MANBAL: variants seen among roughly 807,000 people sequenced by gnomAD.
The protein encoded by MANBAL is mannosidase beta like.
MANBAL carries 1 observed loss-of-function variant against 6.4 expected under a neutral mutation model. The observed-to-expected ratio is 0.16, with a 90% CI of 0.06 to 0.74. The LOEUF (loss-of-function observed/expected upper bound fraction) is 0.74, where lower values mean the gene tolerates loss of function less well. MANBAL is among the 30% of genes least tolerant of loss of function. The pLI is 0.78. For missense variants in MANBAL, 100 were observed against 107.8 expected (o/e 0.93, Z 0.32); for synonymous variants, 47 against 45.8 (o/e 1.03, Z -0.10).
Position 37,302,029 on chromosome 20 carries a change from T to C in MANBAL, c.150+616T>C, listed in dbSNP as rs530342173. Among the ~76,000 whole-genome samples the C allele has an allele frequency of 2.0e-5, 3 of 152,340 alleles. No homozygotes were observed. In the East Asian group the frequency reaches 5.8e-4, roughly 29 times the overall value. On this transcript the variant is annotated intron_variant, in intron 2 of 2. Transcript: ENST00000373606. ...AGGTGTGGGCAGGGGCCAGAGGGTT[T>C]TAAGTGTGAGAATGACATGGTCAAA...
intron 1 of MANBAL, among the ~76,000 whole-genome samples, chr20:37,296,027 A>G (rs1364996995): frequency 6.6e-6 from 1 of 152,192 alleles, no homozygotes; most frequent in Non-Finnish European, 1.5e-5. Flanking sequence ...TTATGTTTCC[A>G]GAACCTTTTC....
At position 37,316,993 on chromosome 20, in the gene MANBAL, A is replaced by G. The variant is rs1043453; in HGVS notation, c.*578A>G. 80,591 of 152,620 alleles carry G rather than the reference A, an allele frequency of 0.53. 21,992 individuals carry two copies. Among genetic ancestry groups the G allele is most frequent in the African/African-American group, 0.61 (25,404 of 41,478 alleles). 9.5% of individuals were successfully genotyped at this position (152,620 alleles called of 1,614,324 possible). A position where few individuals can be genotyped will look rare whatever the true frequency, so the allele number is the denominator to read the frequency against. ...GTGAGAGCCAGCAGACAGCCAGGCCAGGGTAGGCAGTGCCTGCTTCTGCTC... is the reference window on the plus strand; with the variant it reads ...GTGAGAGCCAGCAGACAGCCAGGCCGGGGTAGGCAGTGCCTGCTTCTGCTC... On this transcript the variant is annotated 3_prime_UTR_variant, in exon 3 of 3. Coordinates refer to ENST00000373606, the MANE Select transcript of MANBAL (RefSeq NM_001003897.2).
chr20:37,310,817 G>T (rs1029511047), intron 2 of MANBAL, among the ~76,000 whole-genome samples: 9 of 152,194 alleles, frequency 5.9e-5, no homozygotes, highest in African/African-American at 1.7e-4. Flanking sequence ...GAAACTTGAG[G>T]CTCGCTTGAG....
At chr20:37,301,725 A>G (rs2069141952) in intron 2 of MANBAL, among the ~76,000 whole-genome samples, 1 of 152,342 alleles carries the variant, frequency 6.6e-6, no homozygotes, top group African/African-American at 2.4e-5. Context: ...ATGTGCTCCC[A>G]TGAGAAGTAC....
chr20:37,301,189 G>T lies in MANBAL; in HGVS notation c.-56-19G>T. ...ATGTCAGTTACAGAAATATGACACT[G>T]ACCCTTTGCATTTACAAGTTGGTTC... On this transcript the variant is annotated intron_variant, in intron 1 of 2. Coordinates refer to ENST00000373606, the MANE Select transcript of MANBAL (RefSeq NM_001003897.2). 3 of 1,311,974 alleles carry T rather than the reference G, an allele frequency of 2.3e-6. No homozygotes were observed. Among genetic ancestry groups the T allele is most frequent in the South Asian group, 4.0e-5 (2 of 49,996 alleles). 81.3% of individuals were successfully genotyped at this position (1,311,974 alleles called of 1,614,324 possible).
At chr20:37,303,251 C>T (rs1299997505) in intron 2 of MANBAL, among the ~76,000 whole-genome samples, 2 of 152,194 alleles carry the variant, frequency 1.3e-5, no homozygotes, top group Admixed American at 6.5e-5. Flanking sequence ...GTCTTGGAAT[C>T]AGTCATTTCT....
At chr20:37,310,062 C>A (rs1400059954) in intron 2 of MANBAL, among the ~76,000 whole-genome samples, 1 of 152,154 alleles carries the variant, frequency 6.6e-6, no homozygotes, top group African/African-American at 2.4e-5. Context: ...GCTGGACACA[C>A]AAGGAGCCAC....
At chr20:37,295,555 C>T (rs1179307367) in intron 1 of MANBAL, among the ~76,000 whole-genome samples, 1 of 152,224 alleles carries the variant, frequency 6.6e-6, no homozygotes. Flanking sequence ...TAATGGGCCA[C>T]AGCCTGCAGT....
chr20:37,311,964 G>T (rs1600920729), intron 2 of MANBAL, among the ~76,000 whole-genome samples: 1 of 152,192 alleles, frequency 6.6e-6, no homozygotes, highest in East Asian at 1.9e-4. Flanking sequence ...GACTGGCTGG[G>T]TCTAGAGCCC....
At chr20:37,301,519 C>G in intron 2 of MANBAL, 106 bp downstream of exon 2, 1 of 1,263,186 alleles carries the variant, frequency 7.9e-7, no homozygotes, top group Non-Finnish European at 1.1e-6. Context: ...TACATTGGGC[C>G]TTTTTGATTT....
At chr20:37,314,804 G>A (rs1023710130) in intron 2 of MANBAL, among the ~76,000 whole-genome samples, 1 of 152,202 alleles carries the variant, frequency 6.6e-6, no homozygotes, top group Non-Finnish European at 1.5e-5. Context: ...GGAGCTGACA[G>A]GCCTCTGGAT....
intron 1 of MANBAL, among the ~76,000 whole-genome samples, chr20:37,294,315 A>G (rs754339572): frequency 7.2e-5 from 11 of 152,190 alleles, no homozygotes; most frequent in Admixed American, 1.3e-4. Flanking sequence ...CCACCTCCAC[A>G]GCTACCACCC....
chr20:37,293,834 A>G (rs1385521384), intron 1 of MANBAL, among the ~76,000 whole-genome samples: 2 of 152,168 alleles, frequency 1.3e-5, no homozygotes, highest in Non-Finnish European at 2.9e-5. Flanking sequence ...TCGTTTTCAA[A>G]GTTACTTAGG....
intron 1 of MANBAL, among the ~76,000 whole-genome samples, chr20:37,296,527 G>A (rs911529550): frequency 3.3e-5 from 5 of 152,034 alleles, no homozygotes; most frequent in Non-Finnish European, 5.9e-5. Context: ...TATATTTGCC[G>A]GGTTAGTGAA....
chr20:37,311,239 A>G (rs1048442860), intron 2 of MANBAL, among the ~76,000 whole-genome samples: 10 of 152,180 alleles, frequency 6.6e-5, no homozygotes, highest in Non-Finnish European at 1.3e-4. Context: ...GCAGGTAGAG[A>G]TACAGAGGAG....
At chr20:37,305,845 C>T (rs982599510) in intron 2 of MANBAL, among the ~76,000 whole-genome samples, 5 of 151,912 alleles carry the variant, frequency 3.3e-5, no homozygotes, top group East Asian at 1.9e-4. Flanking sequence ...TTCTCACTTC[C>T]GAAACTCCTA....
chr20:37,303,267 A>G (rs187796370), intron 2 of MANBAL, among the ~76,000 whole-genome samples: 30 of 152,314 alleles, frequency 2.0e-4, no homozygotes, highest in African/African-American at 7.2e-4. Flanking sequence ...TTTCTCTAAA[A>G]TGCTCTGGTT....
At chr20:37,290,638 T>C (rs1757097146) in intron 1 of MANBAL, among the ~76,000 whole-genome samples, 1 of 151,962 alleles carries the variant, frequency 6.6e-6, no homozygotes, top group African/African-American at 2.4e-5. Flanking sequence ...TTTGTATCTT[T>C]AGTAAAGACA....
Position 37,316,820 on chromosome 20 carries a change from C to CG in MANBAL, c.*405_*406insG. ...AGCACACCCTCTCCCATTATTTGTG[C>CG]ACTACAGATCTCCTCCTGATCAGTC... is the stretch of plus-strand genomic sequence containing the variant. On this transcript the variant is annotated 3_prime_UTR_variant, in exon 3 of 3. Coordinates refer to ENST00000373606, the MANE Select transcript of MANBAL (RefSeq NM_001003897.2). The CG allele has an allele frequency of 5.7e-6, 1 of 176,962 alleles. No homozygotes were observed. Among genetic ancestry groups the CG allele is most frequent in the Non-Finnish European group, 1.2e-5 (1 of 84,666 alleles). The allele number at this position is 176,962 out of a possible 1,614,324, so 11.0% of individuals were successfully genotyped here.
Sources: allele counts gnomAD v4.1 joint callset (sites outside exome capture counted in the v4.1 genomes callset), GRCh38; gene constraint gnomAD v4.1.1; transcripts MANE v1.5; gene names NCBI Gene and HGNC (gene_info 2026-07-23, HGNC 2026-07-21).